Variants in CCDC102B observed in about 807,000 individuals in gnomAD.
CCDC102B encodes coiled-coil domain containing 102B.
In CCDC102B, 75 loss-of-function variants were observed where a neutral mutation model predicts 57.4. The observed-to-expected ratio is 1.31, with a 90% CI of 1.08 to 1.58. The LOEUF is 1.58. Among genes scored for constraint, CCDC102B ranks in the 40% most tolerant of loss-of-function variants. The pLI, the probability that CCDC102B is intolerant of heterozygous loss-of-function variation, is 0.00. For synonymous variants in CCDC102B, 206 were observed against 201.9 expected (o/e 1.02, Z -0.17); for missense variants, 636 against 582.6 (o/e 1.09, Z -0.94).
intron 6 of CCDC102B, among the ~76,000 whole-genome samples, chr18:68,911,227 C>T (rs752093199): frequency 1.3e-5 from 2 of 152,174 alleles, no homozygotes; most frequent in Admixed American, 6.5e-5. Context: ...AAATATGGTA[C>T]ATACACATCA....
intron 5 of CCDC102B, among the ~76,000 whole-genome samples, chr18:68,879,869 A>G (rs1368586307): frequency 6.6e-6 from 1 of 152,172 alleles, no homozygotes; most frequent in Non-Finnish European, 1.5e-5. Context: ...TGTATTTACA[A>G]TCCCGGGGCT....
chr18:69,016,162 C>T (rs1475058458), intron 7 of CCDC102B, among the ~76,000 whole-genome samples: 11 of 151,490 alleles, frequency 7.3e-5, no homozygotes, highest in Non-Finnish European at 1.6e-4. Flanking sequence ...CGCGCCCGGC[C>T]AATTTAATTG....
At chr18:68,901,484 G>C (rs1246514360) in intron 6 of CCDC102B, among the ~76,000 whole-genome samples, 1 of 152,050 alleles carries the variant, frequency 6.6e-6, no homozygotes, top group African/African-American at 2.4e-5. Context: ...TGGACAGAAG[G>C]GGGGCCAAGA....
intron 4 of CCDC102B, among the ~76,000 whole-genome samples, chr18:68,862,554 C>T (rs2038808210): frequency 6.6e-6 from 1 of 152,096 alleles, no homozygotes; most frequent in Non-Finnish European, 1.5e-5. Context: ...TCTGCACCCC[C>T]ACAACCATAT....
chr18:68,846,437 A>C lies in CCDC102B; in HGVS notation c.936+16A>C, dbSNP rs2037863606. The stretch of plus-strand genomic sequence containing the variant: ...TGTGAAAGAGGTATGGGGGAATATG[A>C]TGTAAAGGAAGAAATGAAGCCTAGC... On this transcript the variant is annotated intron_variant, in intron 4 of 7. Coordinates refer to ENST00000360242, the MANE Select transcript of CCDC102B (RefSeq NM_024781.3). 1 of 1,453,268 alleles carries C rather than the reference A, an allele frequency of 6.9e-7. No individual in the cohort carries two copies. The highest frequency in any genetic ancestry group is 9.4e-7 in the Non-Finnish European group (1 of 1,063,920). The allele number at this position is 1,453,268 out of a possible 1,614,324, so 90.0% of individuals were successfully genotyped here.
At chr18:68,986,584 G>A (rs1018530193) in intron 6 of CCDC102B, among the ~76,000 whole-genome samples, 6 of 151,922 alleles carry the variant, frequency 3.9e-5, no homozygotes, top group African/African-American at 1.2e-4. Flanking sequence ...ACTGAAACAA[G>A]ACAGGCATGC....
chr18:68,729,473 G>T (rs1351845336), intron 2 of CCDC102B, among the ~76,000 whole-genome samples: 8 of 152,178 alleles, frequency 5.3e-5, no homozygotes, highest in African/African-American at 1.9e-4. Flanking sequence ...TAGACCAACT[G>T]ACCAGTGGAA....
chr18:68,914,638 A>G (rs2040998813), intron 6 of CCDC102B, among the ~76,000 whole-genome samples: 1 of 152,084 alleles, frequency 6.6e-6, no homozygotes, highest in Admixed American at 6.5e-5. Flanking sequence ...TTCTTCGTTT[A>G]TTTATCACAC....
intron 7 of CCDC102B, among the ~76,000 whole-genome samples, chr18:69,026,255 C>T (rs747623997): frequency 3.3e-5 from 5 of 152,046 alleles, no homozygotes; most frequent in Non-Finnish European, 5.9e-5. Context: ...CACCTGAGGT[C>T]AGGAGTTCGA....
chr18:68,888,314 C>G (rs955597399), intron 5 of CCDC102B, among the ~76,000 whole-genome samples: 1 of 152,210 alleles, frequency 6.6e-6, no homozygotes, highest in African/African-American at 2.4e-5. Context: ...AATAGATTCT[C>G]TCACTATTTC....
At chr18:68,861,022 T>G (rs1050134271) in intron 4 of CCDC102B, among the ~76,000 whole-genome samples, 2 of 149,428 alleles carry the variant, frequency 1.3e-5, no homozygotes, top group Admixed American at 1.3e-4. Context: ...GAATTTCAAC[T>G]CTGTCACTAT....
In CCDC102B at chr18:68,837,072, AGAAAAATGGAGT is replaced by A; in HGVS notation, c.310_321del (p.Glu104_Ser107del). On this transcript the variant is annotated inframe_deletion, in exon 2 of 8. Transcript: ENST00000360242. ...GGTCGGACTGCACTGCCAACTGGAGAGAAAAATGGAGTAAAGTTCGAGCTGAAAGGAACAGTG... is the reference window on the plus strand; with the variant it reads ...GGTCGGACTGCACTGCCAACTGGAGAAAAGTTCGAGCTGAAAGGAACAGTG... 2.5e-6 allele frequency: 4 copies of A among 1,614,200 alleles called. No homozygotes were observed. Among genetic ancestry groups the A allele is most frequent in the Non-Finnish European group, 3.4e-6 (4 of 1,180,032 alleles).
At chr18:68,828,859 A>C (rs9964289) in intron 1 of CCDC102B, among the ~76,000 whole-genome samples, 1,554 of 151,864 alleles carry the variant, frequency 0.01, 23 homozygotes, top group African/African-American at 0.034. Context: ...AAATAAGTTA[A>C]ATACTGTTAT....
intron 6 of CCDC102B, among the ~76,000 whole-genome samples, chr18:69,008,098 T>C (rs1684644836): frequency 6.6e-6 from 1 of 152,214 alleles, no homozygotes. Context: ...CCCATTAAGC[T>C]CTGAATTATT....
rs71175201 is a variant in CCDC102B at position 68,853,672 on chromosome 18, T to TAAAAAAAAAAAAAAAAAAAAAAAA, written c.936+7258_936+7281dup. 1.4e-4 allele frequency among the ~76,000 whole-genome samples: 13 copies of TAAAAAAAAAAAAAAAAAAAAAAAA among 94,656 alleles called. 2 individuals carry two copies. Among genetic ancestry groups the TAAAAAAAAAAAAAAAAAAAAAAAA allele is most frequent in the South Asian group, 3.9e-4 (1 of 2,594 alleles). 62.1% of individuals were successfully genotyped at this position (94,656 alleles called of 152,430 possible). A position where few individuals can be genotyped will look rare whatever the true frequency, so the allele number is the denominator to read the frequency against. On this transcript the variant is annotated intron_variant, in intron 4 of 7. Transcript: ENST00000360242. ...CGAATTTTTCTTTATCCCCAAATTGTAAAAAAAAAAAAAAAAAAAAAAAAA... is the reference window on the plus strand; with the variant it reads ...CGAATTTTTCTTTATCCCCAAATTGTAAAAAAAAAAAAAAAAAAAAAAAAAAAAAAAAAAAAAAAAAAAAAAAAA...
Position 68,873,637 on chromosome 18 carries a change from T to A in CCDC102B, c.937-1032T>A, listed in dbSNP as rs181509263. On this transcript the variant is annotated intron_variant, in intron 4 of 7. Transcript: ENST00000360242. ...ATATAGGATTACTGTTAGCATTAAC[T>A]AAGGCAATATATATCAAGTTCAGTT... Among the ~76,000 whole-genome samples the A allele has an allele frequency of 2.2e-3, 337 of 152,184 alleles. 1 individual carries two copies. Among genetic ancestry groups the A allele is most frequent in the African/African-American group, 7.0e-3 (292 of 41,568 alleles).
chr18:68,985,391 G>C (rs535499432), intron 6 of CCDC102B, among the ~76,000 whole-genome samples: 1 of 152,070 alleles, frequency 6.6e-6, no homozygotes, highest in Non-Finnish European at 1.5e-5. Flanking sequence ...CTCATAAAAC[G>C]TACACTCTGT....
chr18:68,737,086 G>A (rs2033165598), intron 2 of CCDC102B, among the ~76,000 whole-genome samples: 3 of 151,900 alleles, frequency 2.0e-5, no homozygotes, highest in African/African-American at 4.8e-5. Context: ...TCAGAGGGTT[G>A]GGAGGAGTAG....
At chr18:68,764,908 G>A (rs780766443) in intron 2 of CCDC102B, among the ~76,000 whole-genome samples, 62 of 151,656 alleles carry the variant, frequency 4.1e-4, no homozygotes, top group Non-Finnish European at 7.7e-4. Context: ...ATAGCTGGGC[G>A]TGGTGGCACG....
Sources: allele counts gnomAD v4.1 joint callset (sites outside exome capture counted in the v4.1 genomes callset), GRCh38; gene constraint gnomAD v4.1.1; transcripts MANE v1.5; gene names NCBI Gene and HGNC (gene_info 2026-07-23, HGNC 2026-07-21).